The following NRXN3 variants were observed in gnomAD, a reference collection of about 807,000 sequenced individuals.
The protein encoded by NRXN3 is neurexin 3.
A neutral mutation model predicts 137.6 loss-of-function variants in NRXN3; 32 were observed. The observed-to-expected ratio is 0.23, with a 90% CI of 0.18 to 0.31. The LOEUF (loss-of-function observed/expected upper bound fraction) is 0.31. Ranked by LOEUF, NRXN3 falls within the 10% of genes least tolerant of loss-of-function variation. The probability of loss-of-function intolerance (pLI) is 1.00; values close to 1 mark genes in which losing one functional copy is unlikely to be tolerated. For synonymous variants in NRXN3, 798 were observed against 784.5 expected (o/e 1.02, Z -0.29); for missense variants, 1,574 against 2,062.5 (o/e 0.76, Z 4.59).
chr14:78,282,907 C>A (rs2074610004), intron 3 of NRXN3, among the ~76,000 whole-genome samples: 1 of 152,194 alleles, frequency 6.6e-6, no homozygotes, highest in Non-Finnish European at 1.5e-5. Context: ...ACCTGCAGAA[C>A]CGACCAGCAG....
intron 16 of NRXN3, among the ~76,000 whole-genome samples, chr14:79,618,351 C>A (rs889094425): frequency 6.6e-6 from 1 of 152,048 alleles, no homozygotes; most frequent in African/African-American, 2.4e-5. Flanking sequence ...CTTCCCTCCC[C>A]CTCTAGTAAT....
At chr14:79,303,825 A>G (rs779809201) in intron 15 of NRXN3, among the ~76,000 whole-genome samples, 1 of 152,014 alleles carries the variant, frequency 6.6e-6, no homozygotes, top group Non-Finnish European at 1.5e-5. Flanking sequence ...TGGCTTCCCA[A>G]TCTCTGCCTT....
At chr14:79,822,249 A>G (rs923170134) in intron 20 of NRXN3, among the ~76,000 whole-genome samples, 1 of 152,150 alleles carries the variant, frequency 6.6e-6, no homozygotes, top group Non-Finnish European at 1.5e-5. Context: ...ACTGGTTCCC[A>G]AGCTCGAATT....
At chr14:78,851,219 G>T (rs1204817338) in intron 10 of NRXN3, among the ~76,000 whole-genome samples, 4 of 152,096 alleles carry the variant, frequency 2.6e-5, no homozygotes, top group African/African-American at 9.7e-5. Flanking sequence ...TGATATACTG[G>T]TAAATGTTTA....
chr14:78,347,233 T>C (rs1447967627), intron 4 of NRXN3, among the ~76,000 whole-genome samples: 1 of 152,212 alleles, frequency 6.6e-6, no homozygotes, highest in African/African-American at 2.4e-5. Context: ...AACAGTCTTA[T>C]GTATTTTAAA....
At position 78,885,902 on chromosome 14, in the gene NRXN3, AG is replaced by A. The variant is rs562468418; in HGVS notation, c.2276-71338del. ...TCACTCACATAAAGCCCAAGCAATT[AG>A]GAGCAGAGGAAGGGATGTGAGGGTT... On this transcript the variant is annotated intron_variant, in intron 10 of 20. Transcript: ENST00000335750. 5.9e-5 allele frequency among the ~76,000 whole-genome samples: 9 copies of A among 152,114 alleles called. No individual in the cohort carries two copies. In the South Asian group the frequency reaches 1.0e-3, roughly 18 times the overall value.
At position 78,900,495 on chromosome 14, in the gene NRXN3, C is replaced by A. The variant is rs2099192468; in HGVS notation, c.2276-56747C>A. 1.3e-5 allele frequency among the ~76,000 whole-genome samples: 2 copies of A among 151,106 alleles called. 1 individual carries two copies. The highest frequency in any genetic ancestry group is 4.2e-4 in the South Asian group (2 of 4,788). ...ACTACGTTTGGTGCCAAGTTGGGGC[C>A]TCAAATTTTGAACTTAAAACATGAC... is the stretch of plus-strand genomic sequence containing the variant. On this transcript the variant is annotated intron_variant, in intron 10 of 20. Coordinates refer to ENST00000335750, the MANE Select transcript of NRXN3 (RefSeq NM_001330195.2).
chr14:79,606,733 G>A (rs1244660708), intron 16 of NRXN3, among the ~76,000 whole-genome samples: 1 of 152,140 alleles, frequency 6.6e-6, no homozygotes. Context: ...GATTATTAAG[G>A]ATGTCAAGGT....
chr14:78,842,096 C>T (rs1206475027), intron 10 of NRXN3, among the ~76,000 whole-genome samples: 1 of 152,112 alleles, frequency 6.6e-6, no homozygotes, highest in Admixed American at 6.6e-5. Context: ...TTTCTTTGTA[C>T]ACTGAATTGT....
chr14:78,711,752 T>C (rs1390996173), intron 7 of NRXN3, among the ~76,000 whole-genome samples: 2 of 152,182 alleles, frequency 1.3e-5, no homozygotes, highest in Non-Finnish European at 2.9e-5. Flanking sequence ...GGCCAGTTTT[T>C]TGAACTACTG....
chr14:78,559,694 A>G (rs1374035917), intron 4 of NRXN3, among the ~76,000 whole-genome samples: 4 of 152,208 alleles, frequency 2.6e-5, no homozygotes, highest in African/African-American at 9.6e-5. Context: ...GCCATTTGAC[A>G]CGTATAAAAT....
chr14:79,532,728 C>G (rs1180806233), intron 16 of NRXN3, among the ~76,000 whole-genome samples: 1 of 152,212 alleles, frequency 6.6e-6, no homozygotes, highest in African/African-American at 2.4e-5. Flanking sequence ...TTTCTCCACT[C>G]TCCTCCAAGT....
At chr14:78,346,567 C>T (rs2082761310) in intron 4 of NRXN3, among the ~76,000 whole-genome samples, 1 of 152,160 alleles carries the variant, frequency 6.6e-6, no homozygotes, top group Non-Finnish European at 1.5e-5. Context: ...AAATGGCTTA[C>T]ATTCACACAG....
intron 4 of NRXN3, among the ~76,000 whole-genome samples, chr14:78,366,141 A>G (rs1473615336): frequency 6.6e-6 from 1 of 152,214 alleles, no homozygotes; most frequent in Non-Finnish European, 1.5e-5. Flanking sequence ...AAGTAAAGAG[A>G]TTAAACATAA....
chr14:78,456,187 T>C (rs2153711088), intron 4 of NRXN3, among the ~76,000 whole-genome samples: 1 of 152,238 alleles, frequency 6.6e-6, no homozygotes, highest in South Asian at 2.1e-4. Flanking sequence ...GACACCCCCC[T>C]ACGACAGTTT....
Position 78,363,034 on chromosome 14 carries a change from T to C in NRXN3, c.757+65174T>C, listed in dbSNP as rs376470621. ...AAGAAGTAAGATCCTATTGTCAATCTGCCAGGCCTCCTGTCTTCCTCTTTG... is the reference window on the plus strand; with the variant it reads ...AAGAAGTAAGATCCTATTGTCAATCCGCCAGGCCTCCTGTCTTCCTCTTTG... On this transcript the variant is annotated intron_variant, in intron 4 of 20. Coordinates refer to ENST00000335750, the MANE Select transcript of NRXN3 (RefSeq NM_001330195.2). Among the ~76,000 whole-genome samples the C allele has an allele frequency of 1.2e-4, 18 of 152,356 alleles. 1 individual carries two copies. The East Asian group carries it at 3.5e-3, about 29-fold the overall frequency.
chr14:78,716,887 G>A (rs2098436516), intron 8 of NRXN3, among the ~76,000 whole-genome samples: 1 of 152,206 alleles, frequency 6.6e-6, no homozygotes. Context: ...CACCAGAACA[G>A]GAGCTATGAT....
chr14:78,300,802 T>C, intron 4 of NRXN3: 1 of 710,730 alleles, frequency 1.4e-6, no homozygotes, highest in Non-Finnish European at 2.3e-6. Flanking sequence ...AAATTAATGC[T>C]TTTAACAACA....
chr14:79,654,384 G>T (rs950959495), intron 16 of NRXN3, among the ~76,000 whole-genome samples: 1 of 151,954 alleles, frequency 6.6e-6, no homozygotes, highest in African/African-American at 2.4e-5. Context: ...CAACGAACAG[G>T]GGTCAGCAAC....
Sources: gnomAD v4.1 joint callset for allele counts (sites outside exome capture counted in the v4.1 genomes callset) on GRCh38, gnomAD v4.1.1 for gene constraint, MANE v1.5 for transcripts, NCBI Gene and HGNC (gene_info 2026-07-23, HGNC 2026-07-21) for gene names.